Variants in TTBK2 observed in about 807,000 individuals in gnomAD.
The protein encoded by TTBK2 is tau tubulin kinase 2, also known as tau-tubulin kinase 2.
In TTBK2, 28 loss-of-function variants were observed where a neutral mutation model predicts 110.8. The observed-to-expected ratio is 0.25, with a 90% CI of 0.19 to 0.35. The LOEUF is 0.35. Ranked by LOEUF, TTBK2 falls within the 10% of genes least tolerant of loss-of-function variation. The pLI, the probability that TTBK2 is intolerant of heterozygous loss-of-function variation, is 1.00. For synonymous variants in TTBK2, 532 were observed against 527.3 expected (o/e 1.01, Z -0.12); for missense variants, 1,369 against 1,500.3 (o/e 0.91, Z 1.45).
intron 5 of TTBK2, among the ~76,000 whole-genome samples, chr15:42,828,917 G>A (rs891805026): frequency 3.9e-5 from 6 of 152,114 alleles, no homozygotes; most frequent in African/African-American, 1.4e-4. Context: ...AAGAGGACTT[G>A]TGACGGTAAA....
intron 2 of TTBK2, among the ~76,000 whole-genome samples, chr15:42,875,922 A>G (rs960711302): frequency 6.6e-5 from 10 of 151,016 alleles, no homozygotes; most frequent in Admixed American, 2.0e-4. Flanking sequence ...AAAAAAAAAA[A>G]AAAAAGAAAT....
chr15:42,772,009 T>C (rs1889699772), intron 13 of TTBK2, among the ~76,000 whole-genome samples: 1 of 152,170 alleles, frequency 6.6e-6, no homozygotes, highest in South Asian at 2.1e-4. Flanking sequence ...TTCTGTAAAG[T>C]ATAAACGTAA....
chr15:42,757,535 T>G (rs902205283), intron 13 of TTBK2, among the ~76,000 whole-genome samples: 3 of 152,160 alleles, frequency 2.0e-5, no homozygotes, highest in African/African-American at 7.2e-5. Flanking sequence ...TACTACACAC[T>G]CTCAAAGTCA....
At chr15:42,837,130 T>C (rs1000310327) in intron 4 of TTBK2, among the ~76,000 whole-genome samples, 18 of 151,802 alleles carry the variant, frequency 1.2e-4, no homozygotes, top group African/African-American at 4.4e-4. Context: ...GAGACCGAGG[T>C]GGGCAGATCA....
At chr15:42,866,395 C>T in intron 3 of TTBK2, among the ~76,000 whole-genome samples, 1 of 152,216 alleles carries the variant, frequency 6.6e-6, no homozygotes, top group Admixed American at 6.5e-5. Context: ...ATGCATCTAA[C>T]AACAGAGCTT....
intron 4 of TTBK2, among the ~76,000 whole-genome samples, chr15:42,835,693 G>C (rs1409466845): frequency 6.6e-6 from 1 of 151,942 alleles, no homozygotes; most frequent in Non-Finnish European, 1.5e-5. Flanking sequence ...TTTGATATTT[G>C]TGTTATTATT....
At chr15:42,810,491 A>T (rs1484319121) in intron 9 of TTBK2, 123 bp downstream of exon 9, 2 of 1,220,128 alleles carry the variant, frequency 1.6e-6, no homozygotes, top group Admixed American at 3.7e-5. Flanking sequence ...CTCAGGATGT[A>T]TTAAAACAGT....
chr15:42,757,265 C>A (rs970625939), intron 13 of TTBK2, among the ~76,000 whole-genome samples: 1 of 134,350 alleles, frequency 7.4e-6, no homozygotes, highest in African/African-American at 3.3e-5. Context: ...TAGCACCACA[C>A]CAGCTAATTA....
chr15:42,751,937 G>GT, intron 14 of TTBK2, 37 bp downstream of exon 14: 1 of 1,611,110 alleles, frequency 6.2e-7, no homozygotes, highest in South Asian at 1.1e-5. Context: ...TAGAAATGGT[G>GT]TTACACACTT....
chr15:42,763,173 T>TAC (rs1567008921), intron 13 of TTBK2, among the ~76,000 whole-genome samples: 5 of 17,946 alleles, frequency 2.8e-4, no homozygotes, highest in Non-Finnish European at 4.2e-4. Flanking sequence ...TATATATATA[T>TAC]ATATATATAT....
At chr15:42,823,600 T>C (rs879867560) in intron 6 of TTBK2, among the ~76,000 whole-genome samples, 1 of 152,234 alleles carries the variant, frequency 6.6e-6, no homozygotes, top group Non-Finnish European at 1.5e-5. Flanking sequence ...AATAGTTTTG[T>C]ATCTGGATTA....
At chr15:42,890,076 T>C (rs944545727) in intron 1 of TTBK2, among the ~76,000 whole-genome samples, 2 of 152,218 alleles carry the variant, frequency 1.3e-5, no homozygotes, top group Non-Finnish European at 2.9e-5. Flanking sequence ...CCTTAGATGA[T>C]GACATTCCAC....
intron 3 of TTBK2, among the ~76,000 whole-genome samples, chr15:42,846,380 G>A (rs555528373): frequency 6.6e-6 from 1 of 151,968 alleles, no homozygotes; most frequent in East Asian, 1.9e-4. Flanking sequence ...AGTAGAGACA[G>A]GCTGATGGCC....
chr15:42,919,054 G>A (rs1235370667), intron 1 of TTBK2, among the ~76,000 whole-genome samples: 2 of 152,142 alleles, frequency 1.3e-5, no homozygotes, highest in Admixed American at 1.3e-4. Flanking sequence ...AAAATGTTAA[G>A]AGAAACTTTC....
At chr15:42,834,023 C>A (rs1892887166) in intron 4 of TTBK2, among the ~76,000 whole-genome samples, 1 of 151,442 alleles carries the variant, frequency 6.6e-6, no homozygotes, top group African/African-American at 2.4e-5. Context: ...AAAAACAAAA[C>A]AAAACAAAAC....
At chr15:42,910,548 AT>A (rs2030692078) in intron 1 of TTBK2, among the ~76,000 whole-genome samples, 1 of 152,246 alleles carries the variant, frequency 6.6e-6, no homozygotes, top group Non-Finnish European at 1.5e-5. Context: ...TGATTTGAAA[AT>A]TTAACATATG....
chr15:42,905,167 CT>C (rs1412640129), intron 1 of TTBK2, among the ~76,000 whole-genome samples: 2 of 152,114 alleles, frequency 1.3e-5, no homozygotes, highest in Non-Finnish European at 2.9e-5. Flanking sequence ...TGCCACCACA[CT>C]TGGCCCCAAA....
intron 3 of TTBK2, 87 bp from the exon 4 acceptor site, chr15:42,840,520 T>C (rs1893177508): frequency 8.6e-7 from 1 of 1,166,958 alleles, no homozygotes; most frequent in Non-Finnish European, 1.3e-6. Flanking sequence ...TAGTGTTTTA[T>C]GATTGAATAT....
rs2061741299 is a variant in TTBK2, at chr15:42,740,124, A to G, written c.*5671T>C. 6.6e-6 allele frequency: 1 copy of G among 152,218 alleles called. No homozygotes were observed. The allele number at this position is 152,218 out of a possible 1,614,324, so 9.4% of individuals were successfully genotyped here. On this transcript the variant is annotated 3_prime_UTR_variant, in exon 15 of 15. Transcript: ENST00000267890. Reference sequence around the variant, plus strand: ...TCTGCCTCATCCAATCTTGTTCCCTAGGTCAAGGAACCCAGAGCCAGGGTA... The same window carrying G: ...TCTGCCTCATCCAATCTTGTTCCCTGGGTCAAGGAACCCAGAGCCAGGGTA...
Sources: allele counts gnomAD v4.1 joint callset (sites outside exome capture counted in the v4.1 genomes callset), GRCh38; gene constraint gnomAD v4.1.1; transcripts MANE v1.5; gene names NCBI Gene and HGNC (gene_info 2026-07-23, HGNC 2026-07-21).